MAP3K5: variants seen among roughly 807,000 people sequenced by gnomAD.
The protein encoded by MAP3K5 is ASK-1.
In MAP3K5, 56 loss-of-function variants were observed where a neutral mutation model predicts 158.7. That is an observed-to-expected ratio of 0.35 (90% CI 0.28 to 0.44). MAP3K5 has a LOEUF of 0.44. Ranked by LOEUF, MAP3K5 falls within the 20% of genes least tolerant of loss-of-function variation. The pLI is 1.00. For synonymous variants in MAP3K5, 579 were observed against 601.7 expected (o/e 0.96, Z 0.55); for missense variants, 1,294 against 1,674.8 (o/e 0.77, Z 3.97).
Position 136,567,883 on chromosome 6 carries a change from C to T in MAP3K5, c.3518-9G>A. 6.2e-7 allele frequency: 1 copy of T among 1,612,860 alleles called. No individual in the cohort carries two copies. Among genetic ancestry groups the T allele is most frequent in the South Asian group, 1.1e-5 (1 of 90,974 alleles). ...GAAATGTGGCCTTAGTTCTGTTTGGCATAATATCAGTGGTAGTGTTTATAA... is the reference window on the plus strand; with the variant it reads ...GAAATGTGGCCTTAGTTCTGTTTGGTATAATATCAGTGGTAGTGTTTATAA... On this transcript the variant is annotated splice_polypyrimidine_tract_variant and intron_variant, in intron 25 of 29. Transcript: ENST00000359015.
At chr6:136,699,831 C>T (rs780730744) in intron 3 of MAP3K5, among the ~76,000 whole-genome samples, 12 of 152,184 alleles carry the variant, frequency 7.9e-5, no homozygotes, top group Non-Finnish European at 1.5e-4. Flanking sequence ...TGATGGCTCA[C>T]GCCTGTAATC....
At chr6:136,624,285 T>C (rs1223942650) in intron 14 of MAP3K5, among the ~76,000 whole-genome samples, 2 of 152,032 alleles carry the variant, frequency 1.3e-5, no homozygotes, top group South Asian at 4.1e-4. Flanking sequence ...TGATCATGAG[T>C]TTTTATGCTC....
At chr6:136,692,780 C>T (rs1780442573) in intron 7 of MAP3K5, among the ~76,000 whole-genome samples, 1 of 152,036 alleles carries the variant, frequency 6.6e-6, no homozygotes, top group Non-Finnish European at 1.5e-5. Context: ...CATGGTGAAA[C>T]CCTCTCTCTA....
intron 1 of MAP3K5, among the ~76,000 whole-genome samples, chr6:136,766,675 T>G (rs1783980978): frequency 6.6e-6 from 1 of 152,198 alleles, no homozygotes. Context: ...AGAGAAGGTT[T>G]CATATCAGAT....
In MAP3K5 at chr6:136,567,792, T is replaced by C. The variant is rs1348393775; in HGVS notation, c.3600A>G (p.Glu1200=). The change falls in exon 26 of 30, where the codon GAA becomes GAG. Residue 1200 remains glutamate, a synonymous_variant. Coordinates refer to ENST00000359015, the MANE Select transcript of MAP3K5 (RefSeq NM_005923.4). ...EDLDVEDDHE[E]QPSNQTVRRP... is the part of the protein sequence containing the mutation. ...TTCGGACAGTTTGATTTGAAGGCTG[T>C]TCCTCATGGTCATCTTCTACATCCA... is the stretch of plus-strand genomic sequence containing the variant. 6.2e-7 allele frequency: 1 copy of C among 1,614,142 alleles called. No homozygotes were observed. Among genetic ancestry groups the C allele is most frequent in the South Asian group, 1.1e-5 (1 of 91,082 alleles).
chr6:136,682,714 C>T (rs938432474), intron 7 of MAP3K5, among the ~76,000 whole-genome samples: 1 of 152,170 alleles, frequency 6.6e-6, no homozygotes, highest in Non-Finnish European at 1.5e-5. Context: ...AGTACAAGCA[C>T]CTAATTTCCT....
At chr6:136,785,344 G>A (rs1300509219) in intron 1 of MAP3K5, among the ~76,000 whole-genome samples, 1 of 152,244 alleles carries the variant, frequency 6.6e-6, no homozygotes, top group Non-Finnish European at 1.5e-5. Context: ...CCATGGATGA[G>A]AATAGAAAAG....
intron 7 of MAP3K5, among the ~76,000 whole-genome samples, chr6:136,678,224 T>C (rs1369704881): frequency 2.0e-5 from 3 of 152,190 alleles, no homozygotes; most frequent in Non-Finnish European, 4.4e-5. Context: ...ATATTAAGGA[T>C]AAAGCTTGTA....
In MAP3K5 at chr6:136,773,463, T is replaced by C. The variant is rs113135680; in HGVS notation, c.448+18247A>G. 2.3e-3 allele frequency among the ~76,000 whole-genome samples: 353 copies of C among 152,346 alleles called. 1 individual carries two copies. Among genetic ancestry groups the C allele is most frequent in the African/African-American group, 7.7e-3 (322 of 41,574 alleles). Reference sequence around the variant, plus strand: ...GTTTTCTGATCTCCAAGTCCAGTTATTTCTCTGAAACATTCAACTTCACTG... The same window carrying C: ...GTTTTCTGATCTCCAAGTCCAGTTACTTCTCTGAAACATTCAACTTCACTG... On this transcript the variant is annotated intron_variant, in intron 1 of 29. Transcript: ENST00000359015.
At chr6:136,651,352 A>G (rs1239269537) in intron 10 of MAP3K5, among the ~76,000 whole-genome samples, 1 of 152,238 alleles carries the variant, frequency 6.6e-6, no homozygotes, top group Non-Finnish European at 1.5e-5. Flanking sequence ...TTTGAAGTCC[A>G]TACATGGGTT....
At chr6:136,590,602 G>A (rs1365935815) in intron 23 of MAP3K5, among the ~76,000 whole-genome samples, 3 of 150,644 alleles carry the variant, frequency 2.0e-5, no homozygotes, top group Admixed American at 1.3e-4. Flanking sequence ...GTGCAGTGGC[G>A]CGATCTCAGC....
chr6:136,685,339 A>G (rs1780103307), intron 7 of MAP3K5, among the ~76,000 whole-genome samples: 1 of 151,958 alleles, frequency 6.6e-6, no homozygotes. Context: ...AATAATAATA[A>G]TCTAAACCAT....
intron 19 of MAP3K5, among the ~76,000 whole-genome samples, chr6:136,602,610 C>G (rs1775926905): frequency 6.6e-6 from 1 of 152,178 alleles, no homozygotes; most frequent in Admixed American, 6.5e-5. Flanking sequence ...AGCCACCGAG[C>G]TGAGACCACT....
intron 23 of MAP3K5, among the ~76,000 whole-genome samples, chr6:136,589,473 A>G (rs1775287720): frequency 6.6e-6 from 1 of 152,168 alleles, no homozygotes; most frequent in African/African-American, 2.4e-5. Context: ...CTCCTGGTGC[A>G]TATTTGGGAA....
intron 9 of MAP3K5, among the ~76,000 whole-genome samples, chr6:136,657,749 G>A (rs1318548022): frequency 6.6e-6 from 1 of 152,210 alleles, no homozygotes; most frequent in African/African-American, 2.4e-5. Context: ...TTTGTGAGCT[G>A]GTGTGATGGA....
chr6:136,652,617 T>C (rs1583349062), intron 10 of MAP3K5, among the ~76,000 whole-genome samples: 1 of 152,216 alleles, frequency 6.6e-6, no homozygotes, highest in African/African-American at 2.4e-5. Flanking sequence ...ACTCTCTTCA[T>C]TGACAAGTGA....
chr6:136,746,210 A>T (rs188625250), intron 1 of MAP3K5, among the ~76,000 whole-genome samples: 7 of 152,326 alleles, frequency 4.6e-5, no homozygotes, highest in Admixed American at 2.6e-4. Context: ...GTTCAAGTTA[A>T]TAAGTATTCT....
intron 1 of MAP3K5, among the ~76,000 whole-genome samples, chr6:136,735,941 G>A (rs1022351464): frequency 1.3e-5 from 2 of 152,110 alleles, no homozygotes; most frequent in African/African-American, 4.8e-5. Flanking sequence ...GCATTATCTT[G>A]CATGCCATAG....
At chr6:136,692,659 C>T (rs1438366644) in intron 7 of MAP3K5, among the ~76,000 whole-genome samples, 1 of 152,212 alleles carries the variant, frequency 6.6e-6, no homozygotes, top group Non-Finnish European at 1.5e-5. Flanking sequence ...AAAGCTACTA[C>T]TTTGATGAGC....
Sources: gnomAD v4.1 joint callset for allele counts (sites outside exome capture counted in the v4.1 genomes callset) on GRCh38, gnomAD v4.1.1 for gene constraint, MANE v1.5 for transcripts, NCBI Gene and HGNC (gene_info 2026-07-23, HGNC 2026-07-21) for gene names.